Variants in PKD1 observed in about 807,000 individuals in gnomAD.
The protein encoded by PKD1 is polycystin-1.
A neutral mutation model predicts 361.7 loss-of-function variants in PKD1; 81 were observed. The observed-to-expected ratio is 0.22, with a 90% CI of 0.19 to 0.27. The LOEUF (loss-of-function observed/expected upper bound fraction) is 0.27, where lower values mean the gene tolerates loss of function less well. Among genes scored for constraint, PKD1 ranks in the 10% least tolerant of loss-of-function variants. The pLI is 1.00. For synonymous variants in PKD1, 3,615 were observed against 2,818.3 expected, an observed-to-expected ratio of 1.28 and a Z score of -8.95; for missense variants, 6,399 against 6,118.3, an observed-to-expected ratio of 1.05 and a Z score of -1.53.
In PKD1 at chr16:2,097,980, G is replaced by A. The variant is rs756201243; in HGVS notation, c.10055C>T (p.Ala3352Val). 7 of 1,568,592 alleles carry A rather than the reference G, an allele frequency of 4.5e-6. No homozygotes were observed. Among genetic ancestry groups the A allele is most frequent in the South Asian group, 2.2e-5 (2 of 89,968 alleles). The change falls in exon 31 of 46, where the codon GCT becomes GTT. Residue 3352 changes from alanine (A) to valine (V), a missense_variant. Ala to Val is a moderately conservative substitution (Grantham distance 64). Transcript: ENST00000262304. ...FLFRMSRSKV[A>V]GSPSPTPAGQ... ...GGCAGGTGTGGGGCTCGGGCTCCCA[G>A]CCACCTGCAGGACGAGGGCAGTGGT... is the stretch of plus-strand genomic sequence containing the variant.
rs1419596299 is a variant in PKD1, at chr16:2,117,472, G to T, written c.1385+17C>A. 2.1e-6 allele frequency: 3 copies of T among 1,444,144 alleles called. No individual in the cohort carries two copies. The highest frequency in any genetic ancestry group is 2.8e-6 in the Non-Finnish European group (3 of 1,053,874). The allele number at this position is 1,444,144 out of a possible 1,614,324, so 89.5% of individuals were successfully genotyped here. A position where few individuals can be genotyped will look rare whatever the true frequency, so the allele number is the denominator to read the frequency against. On this transcript the variant is annotated intron_variant, in intron 6 of 45. Transcript: ENST00000262304. ...GATCTCCCAACCTATGGCCCCTCGG[G>T]GGGTGGGGGCAGGCACCTGGTGACC... is the stretch of plus-strand genomic sequence containing the variant.
chr16:2,112,462 C>G lies in PKD1; in HGVS notation c.3173G>C (p.Gly1058Ala). ...CTGGTGGAGGGCCTGCTCCCCATCC[C>G]CAAAGGTCCACCTGCCGGGGCGGTG... is the stretch of plus-strand genomic sequence containing the variant. Reference protein sequence around the residue: ...AVEVAFLWTFGDGEQALHQFQ... With the variant: ...AVEVAFLWTFADGEQALHQFQ... The change falls in exon 14 of 46, where the codon GGG (glycine) becomes GCG (alanine). Residue 1058 changes from glycine to alanine, a missense_variant. Gly to Ala is a moderately conservative substitution (Grantham distance 60). Transcript: ENST00000262304. 1 of 1,589,354 alleles carries G rather than the reference C, an allele frequency of 6.3e-7. No homozygotes were observed. The highest frequency in any genetic ancestry group is 1.1e-5 in the South Asian group (1 of 89,848).
chr16:2,098,354 GCC>G (rs2091937637), intron 30 of PKD1, among the ~76,000 whole-genome samples: 1 of 152,046 alleles, frequency 6.6e-6, no homozygotes. Flanking sequence ...GATTACAGGT[GCC>G]TGCCACCATG....
rs143802974 is a variant in PKD1, at chr16:2,090,567, G to C, written c.12162C>G (p.Ser4054=). ...ACAGGGCCTGGGCCACGCTCCAGAG[G>C]GAGTCCACACAGGAAGACACGAGCT... ...AILLVSSCVD[S]LWSVAQALLV... Residue 4054 remains serine (S), a synonymous_variant, in exon 45 of 46, where the codon TCC becomes TCG. Coordinates refer to ENST00000262304, the MANE Select transcript of PKD1 (RefSeq NM_001009944.3). 7 of 1,609,056 alleles carry C rather than the reference G, an allele frequency of 4.4e-6. No homozygotes were observed. The African/African-American group carries it at 8.0e-5, about 18-fold the overall frequency.
intron 2 of PKD1, 43 bp downstream of exon 2, chr16:2,119,264 C>T (rs1301849170): frequency 8.4e-7 from 1 of 1,192,098 alleles, no homozygotes; most frequent in Non-Finnish European, 1.2e-6. Flanking sequence ...GCCAGCCCAC[C>T]CGGAGTGAGC....
intron 34 of PKD1, among the ~76,000 whole-genome samples, chr16:2,095,856 C>T (rs554310616): frequency 3.3e-5 from 5 of 152,290 alleles, no homozygotes; most frequent in East Asian, 1.9e-4. Context: ...AGCTTTGGGC[C>T]GGAGATACCT....
In PKD1 at chr16:2,123,818, A is replaced by T. The variant is rs536932140; in HGVS notation, c.216-4440T>A. Among the ~76,000 whole-genome samples, 7 of 152,288 alleles carry T rather than the reference A, an allele frequency of 4.6e-5. No homozygotes were observed. The South Asian group carries it at 1.4e-3, about 32-fold the overall frequency. ...TCCTGCTATGAGCTGGAAGGGTGGGAGCCAGGTGCACAGGGACAGCCTGAT... is the reference window on the plus strand; with the variant it reads ...TCCTGCTATGAGCTGGAAGGGTGGGTGCCAGGTGCACAGGGACAGCCTGAT... On this transcript the variant is annotated intron_variant, in intron 1 of 45. Transcript: ENST00000262304.
chr16:2,132,317 C>G (rs1238598075), intron 1 of PKD1, among the ~76,000 whole-genome samples: 4 of 151,530 alleles, frequency 2.6e-5, no homozygotes, highest in African/African-American at 9.7e-5. Context: ...CGCCTGTAAT[C>G]CCAGCACTTT....
chr16:2,111,329 C>A lies in PKD1; in HGVS notation c.3838G>T (p.Ala1280Ser). 1 of 1,608,306 alleles carries A rather than the reference C, an allele frequency of 6.2e-7. No homozygotes were observed. Among genetic ancestry groups the A allele is most frequent in the Non-Finnish European group, 8.5e-7 (1 of 1,178,826 alleles). ...CTVTVGAASP[A>S]GHLARSLHVL... is the part of the protein sequence containing the mutation. The stretch of plus-strand genomic sequence containing the variant: ...TGCAGGCTCCGGGCCAGGTGGCCGG[C>A]GGGGCTGGCCGCACCCACGGTCACT... The change falls in exon 15 of 46, where the codon GCC becomes TCC. Residue 1280 changes from alanine to serine, a missense_variant. Physicochemically the swap from Ala to Ser is moderately conservative, Grantham distance 99. Transcript: ENST00000262304.
rs747143898 is a variant in PKD1, at chr16:2,110,409, G to A, written c.4758C>T (p.Asp1586=). The change falls in exon 15 of 46, where the codon GAC becomes GAT. Residue 1586 remains aspartate (D), a synonymous_variant. Coordinates refer to ENST00000262304, the MANE Select transcript of PKD1 (RefSeq NM_001009944.3). The stretch of plus-strand genomic sequence containing the variant: ...GACCCCCAGGGATGGGCGTGCAGCG[G>A]TCACAGAGCACCCAGGAATAGCGCA... The part of the protein sequence containing the change: ...SDVRYSWVLC[D]RCTPIPGGPT... The A allele has an allele frequency of 8.1e-6, 13 of 1,612,642 alleles. No individual in the cohort carries two copies. Among genetic ancestry groups the A allele is most frequent in the Non-Finnish European group, 1.0e-5 (12 of 1,179,848 alleles).
chr16:2,099,234 T>C, intron 30 of PKD1: 1 of 354,120 alleles, frequency 2.8e-6, no homozygotes. Context: ...AGTGTTGGGA[T>C]TACAGGCGTG....
In PKD1 at chr16:2,106,331, G is replaced by A. The variant is rs766086133; in HGVS notation, c.7490-27C>T. On this transcript the variant is annotated intron_variant, in intron 18 of 45. Coordinates refer to ENST00000262304, the MANE Select transcript of PKD1 (RefSeq NM_001009944.3). This position sits in a 1 kb window ranked among gnomAD's most constrained non-coding sequence, Gnocchi z 6.5. ...TGAGGGACGGTCCCCACGGCATCAC[G>A]GGAGGGCTCCGTGACGTCACAGAGT... 38 of 1,605,138 alleles carry A rather than the reference G, an allele frequency of 2.4e-5. No individual in the cohort carries two copies. The highest frequency in any genetic ancestry group is 2.2e-4 in the Middle Eastern group (1 of 4,448).
At chr16:2,125,540 C>G (rs1048986296) in intron 1 of PKD1, among the ~76,000 whole-genome samples, 4 of 152,130 alleles carry the variant, frequency 2.6e-5, no homozygotes, top group Non-Finnish European at 5.9e-5. Context: ...CACAGGCAGG[C>G]ACAGGGATGG....
intron 1 of PKD1, among the ~76,000 whole-genome samples, chr16:2,127,152 A>G (rs896900245): frequency 9.2e-5 from 14 of 152,228 alleles, no homozygotes; most frequent in African/African-American, 3.4e-4. Context: ...GACAGCGCAC[A>G]CCGCCACCAC....
At position 2,108,289 on chromosome 16, in the gene PKD1, G is replaced by A. The variant is rs530832015; in HGVS notation, c.6878C>T (p.Pro2293Leu). 139 of 1,601,750 alleles carry A rather than the reference G, an allele frequency of 8.7e-5. No homozygotes were observed. The East Asian group carries it at 1.0e-3, about 12-fold the overall frequency. The part of the protein sequence containing the change: ...DPNLEDGDQT[P>L]LSFHWACVAS... ...CACACAGGCCCAGTGGAAACTGAGC[G>A]GCGTCTGGTCGCCGTCCTCCAGGTT... The change falls in exon 15 of 46, where the codon CCG becomes CTG. Residue 2293 changes from proline (P) to leucine (L), a missense_variant. By Grantham distance (98) the Pro-to-Leu change is moderately conservative. Coordinates refer to ENST00000262304, the MANE Select transcript of PKD1 (RefSeq NM_001009944.3).
rs1410500269 is a variant in PKD1, at chr16:2,111,024, G to C, written c.4143C>G (p.Gly1381=). The C allele has an allele frequency of 6.2e-7, 1 of 1,610,664 alleles. No individual in the cohort carries two copies. The highest frequency in any genetic ancestry group is 8.5e-7 in the Non-Finnish European group (1 of 1,179,790). The change falls in exon 15 of 46, where the codon GGC becomes GGG. Residue 1381 remains glycine (G), a synonymous_variant. Transcript: ENST00000262304. ...GCCTCTCTGGCTGCAGGGTGACGTT[G>C]CCCACCTCTGGCTCCACGCAGATGC... ...FTSICVEPEV[G]NVTLQPERQF...
Position 2,109,753 on chromosome 16 carries a change from A to G in PKD1, c.5414T>C (p.Leu1805Pro). The G allele has an allele frequency of 6.2e-7, 1 of 1,609,506 alleles. No homozygotes were observed. Among genetic ancestry groups the G allele is most frequent in the Non-Finnish European group, 8.5e-7 (1 of 1,179,366 alleles). The change falls in exon 15 of 46, where the codon CTC becomes CCC. Residue 1805 changes from leucine (L) to proline (P), a missense_variant. Transcript: ENST00000262304. ...TCCGGGCTCGCTGGCCCTGATGCTG[A>G]GGCCACTCACAGGCACCTGCACATC... ...EVDVQVPVSGLSIRASEPGGS... is the reference protein window; with the variant it reads ...EVDVQVPVSGPSIRASEPGGS...
chr16:2,112,712 T>C (rs1448180569), intron 13 of PKD1, 76 bp downstream of exon 13: 1 of 1,475,666 alleles, frequency 6.8e-7, no homozygotes, highest in Non-Finnish European at 9.3e-7. Context: ...CCCCGTGATG[T>C]GGGGGTCCCT....
In PKD1 at chr16:2,097,424, G is replaced by A. The variant is rs755128992; in HGVS notation, c.10300C>T (p.Leu3434=). 1.1e-5 allele frequency: 18 copies of A among 1,608,564 alleles called. No homozygotes were observed. The highest frequency in any genetic ancestry group is 2.2e-5 in the East Asian group (1 of 44,890). The change falls in exon 33 of 46, where the codon CTG becomes TTG. Residue 3434 remains leucine, a synonymous_variant. Transcript: ENST00000262304. ...LSDPSIVGSN[L]RQLARGQAGH... Reference sequence around the variant, plus strand: ...GCCTGGCCCCGTGCCAGCTGCCGCAGATTGCTACCCACAATGGACGGGTCA... The same window carrying A: ...GCCTGGCCCCGTGCCAGCTGCCGCAAATTGCTACCCACAATGGACGGGTCA...
Sources: gnomAD v4.1 joint callset for allele counts (sites outside exome capture counted in the v4.1 genomes callset) on GRCh38, gnomAD v4.1.1 for gene constraint, Gnocchi (gnomAD v3.1) non-coding constraint, MANE v1.5 for transcripts, NCBI Gene and HGNC (gene_info 2026-07-23, HGNC 2026-07-21) for gene names.